FAM135B: variants seen among roughly 807,000 people sequenced by gnomAD.
The protein encoded by FAM135B is family with sequence similarity 135 member B.
FAM135B carries 43 observed loss-of-function variants against 127.7 expected under a neutral mutation model. That is an observed-to-expected ratio of 0.34 (90% CI 0.26 to 0.43). FAM135B has a LOEUF of 0.43. Ranked by LOEUF, FAM135B falls within the 20% of genes least tolerant of loss-of-function variation. The pLI, the probability that FAM135B is intolerant of heterozygous loss-of-function variation, is 1.00. For synonymous variants in FAM135B, 670 were observed against 665.1 expected (o/e 1.01, Z -0.11); for missense variants, 1,558 against 1,725.6 (o/e 0.90, Z 1.72).
intron 3 of FAM135B, among the ~76,000 whole-genome samples, chr8:138,298,480 T>C (rs1232062336): frequency 6.6e-6 from 1 of 152,124 alleles, no homozygotes; most frequent in Admixed American, 6.5e-5. Context: ...GACAAAAACA[T>C]ACCCAAGTTC....
chr8:138,177,526 G>T, intron 10 of FAM135B, 106 bp from the exon 11 acceptor site: 1 of 1,007,854 alleles, frequency 9.9e-7, no homozygotes, highest in Non-Finnish European at 1.5e-6. Flanking sequence ...TTTCCTAATA[G>T]GAAGAGAGCC....
At chr8:138,203,964 G>A (rs72723612) in intron 7 of FAM135B, among the ~76,000 whole-genome samples, 2,201 of 152,198 alleles carry the variant, frequency 0.014, 57 homozygotes, top group East Asian at 0.1. Flanking sequence ...GTTCATGCTC[G>A]AGAATCGAAT....
intron 2 of FAM135B, among the ~76,000 whole-genome samples, chr8:138,349,758 T>C (rs1829655947): frequency 6.6e-6 from 1 of 152,176 alleles, no homozygotes; most frequent in African/African-American, 2.4e-5. Flanking sequence ...CAGGCCCACT[T>C]TTCTGCAGGC....
In FAM135B at chr8:138,172,399, T is replaced by C. The variant is rs546799896; in HGVS notation, c.1104-4350A>G. ...TTGCCCTGGCTGTTACCTCCACCTG[T>C]AATGCACTGTCCTCCTGGGCTGCTT... On this transcript the variant is annotated intron_variant, in intron 11 of 19. Coordinates refer to ENST00000395297, the MANE Select transcript of FAM135B (RefSeq NM_015912.4). Among the ~76,000 whole-genome samples the C allele has an allele frequency of 4.6e-5, 7 of 152,332 alleles. 1 individual carries two copies. The highest frequency in any genetic ancestry group is 1.2e-4 in the African/African-American group (5 of 41,584).
At chr8:138,246,242 C>G (rs963965583) in intron 6 of FAM135B, among the ~76,000 whole-genome samples, 1 of 152,096 alleles carries the variant, frequency 6.6e-6, no homozygotes, top group African/African-American at 2.4e-5. Context: ...ATGAGGGACC[C>G]AATGTTAATC....
rs2130984158 is a variant in FAM135B at position 138,178,694 on chromosome 8, G to C, written c.874-4C>G. On this transcript the variant is annotated splice_polypyrimidine_tract_variant and splice_region_variant and intron_variant, in intron 9 of 19. Coordinates refer to ENST00000395297, the MANE Select transcript of FAM135B (RefSeq NM_015912.4). Reference sequence around the variant, plus strand: ...TCTTCTCTGGATTGTTCAACATCTGGAGAGGCAAAAAAGGTGGTATTCAAG... The same window carrying C: ...TCTTCTCTGGATTGTTCAACATCTGCAGAGGCAAAAAAGGTGGTATTCAAG... 1 of 1,600,430 alleles carries C rather than the reference G, an allele frequency of 6.2e-7. No homozygotes were observed. Among genetic ancestry groups the C allele is most frequent in the Non-Finnish European group, 8.5e-7 (1 of 1,172,640 alleles).
chr8:138,205,355 T>C (rs2129689065), intron 7 of FAM135B, among the ~76,000 whole-genome samples: 1 of 152,352 alleles, frequency 6.6e-6, no homozygotes, highest in East Asian at 1.9e-4. Context: ...TTCATCTCGA[T>C]GCTGAACTTC....
intron 3 of FAM135B, among the ~76,000 whole-genome samples, chr8:138,298,920 T>C (rs1463928255): frequency 6.6e-6 from 1 of 151,764 alleles, no homozygotes; most frequent in East Asian, 1.9e-4. Flanking sequence ...CTTAGAGCCA[T>C]TTCAAAAACG....
At chr8:138,221,371 G>C (rs1028335620) in intron 7 of FAM135B, among the ~76,000 whole-genome samples, 5 of 152,074 alleles carry the variant, frequency 3.3e-5, no homozygotes, top group South Asian at 2.1e-4. Context: ...AGCACCAAGG[G>C]GGATGGTGCC....
chr8:138,280,976 G>C (rs1043973242), intron 3 of FAM135B, among the ~76,000 whole-genome samples: 2 of 152,046 alleles, frequency 1.3e-5, no homozygotes, highest in Non-Finnish European at 2.9e-5. Context: ...CAGCTCCTCC[G>C]GGGGTGGAGG....
chr8:138,417,946 C>T (rs1316959200), intron 1 of FAM135B, among the ~76,000 whole-genome samples: 1 of 152,056 alleles, frequency 6.6e-6, no homozygotes, highest in Non-Finnish European at 1.5e-5. Context: ...CTTAACCATG[C>T]TAAAATGGCT....
chr8:138,144,830 G>A (rs2130646156), intron 15 of FAM135B, among the ~76,000 whole-genome samples: 1 of 152,240 alleles, frequency 6.6e-6, no homozygotes, highest in East Asian at 1.9e-4. Context: ...GTTGCTGGAT[G>A]TGCACACCCG....
At chr8:138,138,883 C>A (rs985751589) in intron 18 of FAM135B, 103 bp downstream of exon 18, 3 of 775,598 alleles carry the variant, frequency 3.9e-6, no homozygotes, top group Non-Finnish European at 6.6e-6. Context: ...CCTGACTAGG[C>A]CCTTCTGTGA....
At chr8:138,299,848 G>A (rs1466624432) in intron 3 of FAM135B, among the ~76,000 whole-genome samples, 1 of 152,022 alleles carries the variant, frequency 6.6e-6, no homozygotes, top group African/African-American at 2.4e-5. Context: ...AACACGTGTT[G>A]TAGAAAAATA....
intron 1 of FAM135B, among the ~76,000 whole-genome samples, chr8:138,442,519 T>C (rs920197573): frequency 6.6e-6 from 1 of 151,838 alleles, no homozygotes; most frequent in African/African-American, 2.4e-5. Flanking sequence ...CTCGCAGATC[T>C]AGAGTTACTA....
At position 138,242,132 on chromosome 8, in the gene FAM135B, A is replaced by G. The variant is rs1182886971; in HGVS notation, c.669+810T>C. 6.7e-6 allele frequency among the ~76,000 whole-genome samples: 1 copy of G among 150,146 alleles called. No individual in the cohort carries two copies. The highest frequency in any genetic ancestry group is 1.5e-5 in the Non-Finnish European group (1 of 67,844). On this transcript the variant is annotated intron_variant, in intron 7 of 19. Coordinates refer to ENST00000395297, the MANE Select transcript of FAM135B (RefSeq NM_015912.4). This position sits in a 1 kb window ranked among gnomAD's most constrained non-coding sequence, Gnocchi z 9.6. The stretch of plus-strand genomic sequence containing the variant: ...ATTTGGGGGCTTCTCAGCCTTCAAA[A>G]TCATGTGAGTCAATTACTTATGATA...
intron 2 of FAM135B, among the ~76,000 whole-genome samples, chr8:138,337,550 AGG>A: frequency 6.6e-6 from 1 of 152,026 alleles, no homozygotes; most frequent in Non-Finnish European, 1.5e-5. Context: ...CCAACTTACA[AGG>A]GATGTGAAGG....
At chr8:138,222,670 T>G (rs546553102) in intron 7 of FAM135B, among the ~76,000 whole-genome samples, 37 of 143,782 alleles carry the variant, frequency 2.6e-4, no homozygotes, top group African/African-American at 9.4e-4. Context: ...AGGATTTTTG[T>G]TGGTGGTGTT....
At chr8:138,311,690 C>T (rs1826695941) in intron 2 of FAM135B, among the ~76,000 whole-genome samples, 1 of 152,164 alleles carries the variant, frequency 6.6e-6, no homozygotes, top group Non-Finnish European at 1.5e-5. Context: ...GGACCATGAA[C>T]ACATCAGTCT....
Sources: gnomAD v4.1 joint callset for allele counts (sites outside exome capture counted in the v4.1 genomes callset) on GRCh38, gnomAD v4.1.1 for gene constraint, Gnocchi (gnomAD v3.1) non-coding constraint, MANE v1.5 for transcripts, NCBI Gene and HGNC (gene_info 2026-07-23, HGNC 2026-07-21) for gene names.